The following DPYD variants were observed in gnomAD, a reference collection of about 807,000 sequenced individuals.
The protein encoded by DPYD is dihydropyrimidine dehydrogenase.
In DPYD, 109 loss-of-function variants were observed where a neutral mutation model predicts 116.2. The ratio of observed to expected loss-of-function variants is 0.94; its 90% CI spans 0.80 to 1.10. The LOEUF is 1.10. DPYD is among the 50% of genes least tolerant of loss of function. The probability of loss-of-function intolerance (pLI) is 0.00; values close to 1 mark genes in which losing one functional copy is unlikely to be tolerated. For missense variants in DPYD, 1,302 were observed against 1,254.5 expected, an observed-to-expected ratio of 1.04 and a Z score of -0.57; for synonymous variants, 440 against 432.0, an observed-to-expected ratio of 1.02 and a Z score of -0.23.
intron 14 of DPYD, among the ~76,000 whole-genome samples, chr1:97,418,667 A>C (rs72729906): frequency 0.14 from 20,732 of 152,188 alleles, 1,437 homozygotes; most frequent in South Asian, 0.21. Context: ...GAAAAAGTAA[A>C]AATTATCAAC....
chr1:97,428,700 A>G (rs749743858), intron 14 of DPYD, among the ~76,000 whole-genome samples: 1 of 152,096 alleles, frequency 6.6e-6, no homozygotes, highest in South Asian at 2.1e-4. Flanking sequence ...AAACTTCATA[A>G]CATCTCTTAC....
chr1:97,696,343 C>T (rs143902068), intron 6 of DPYD, among the ~76,000 whole-genome samples: 91 of 151,932 alleles, frequency 6.0e-4, no homozygotes, highest in African/African-American at 2.1e-3. Context: ...GAAGTTTATA[C>T]GGAGATGTCT....
intron 8 of DPYD, among the ~76,000 whole-genome samples, chr1:97,637,513 A>C (rs1657640515): frequency 6.6e-6 from 1 of 151,736 alleles, no homozygotes; most frequent in East Asian, 2.0e-4. Context: ...CCCCTCAACA[A>C]CACAAAATAC....
intron 15 of DPYD, 22 bp downstream of exon 15, chr1:97,382,371 T>C (rs1004287696): frequency 6.8e-7 from 1 of 1,473,844 alleles, no homozygotes; most frequent in African/African-American, 1.4e-5. Flanking sequence ...ATAAAATAAA[T>C]ATATACTAAA....
At chr1:97,089,552 G>T (rs921373629) in intron 21 of DPYD, among the ~76,000 whole-genome samples, 1 of 152,072 alleles carries the variant, frequency 6.6e-6, no homozygotes. Context: ...AGGAGGCCAG[G>T]TTTCTTTTTC....
intron 2 of DPYD, among the ~76,000 whole-genome samples, chr1:97,863,105 T>C (rs1373482748): frequency 6.6e-6 from 1 of 151,884 alleles, no homozygotes; most frequent in Non-Finnish European, 1.5e-5. Flanking sequence ...TAGTGAAATA[T>C]AATAATAATG....
chr1:97,413,595 C>G (rs539218955), intron 14 of DPYD, among the ~76,000 whole-genome samples: 14 of 152,198 alleles, frequency 9.2e-5, no homozygotes, highest in African/African-American at 2.6e-4. Context: ...TCCCAAGTAG[C>G]TGGGACTACG....
chr1:97,184,236 T>C (rs955534379), intron 20 of DPYD, among the ~76,000 whole-genome samples: 1 of 152,154 alleles, frequency 6.6e-6, no homozygotes, highest in Non-Finnish European at 1.5e-5. Flanking sequence ...TATGTGTTCA[T>C]GTGTCTTCAT....
intron 20 of DPYD, among the ~76,000 whole-genome samples, chr1:97,115,245 C>A (rs1181936775): frequency 6.6e-6 from 1 of 152,164 alleles, no homozygotes; most frequent in Non-Finnish European, 1.5e-5. Context: ...TTGGGGTCTT[C>A]CCTTGCTTTG....
chr1:97,850,114 C>A (rs1055348907), intron 2 of DPYD, among the ~76,000 whole-genome samples: 4 of 152,200 alleles, frequency 2.6e-5, no homozygotes, highest in Non-Finnish European at 5.9e-5. Flanking sequence ...ACAGCTCATT[C>A]TCCACAGCTA....
chr1:97,240,025 G>C (rs1376925903), intron 18 of DPYD, among the ~76,000 whole-genome samples: 1 of 151,994 alleles, frequency 6.6e-6, no homozygotes, highest in Non-Finnish European at 1.5e-5. Context: ...TGTGTGTTTA[G>C]TGATGCAATT....
intron 3 of DPYD, among the ~76,000 whole-genome samples, chr1:97,806,348 C>A (rs2101360597): frequency 6.6e-6 from 1 of 151,906 alleles, no homozygotes; most frequent in South Asian, 2.1e-4. Context: ...ATTCATCATA[C>A]AAGTGGGTAT....
intron 19 of DPYD, among the ~76,000 whole-genome samples, chr1:97,217,237 C>T (rs1184496104): frequency 3.3e-5 from 5 of 152,000 alleles, no homozygotes; most frequent in East Asian, 1.9e-4. Context: ...ACAAAAAACA[C>T]GTTAATTGAT....
chr1:97,426,999 G>A (rs1042692898), intron 14 of DPYD, among the ~76,000 whole-genome samples: 3 of 152,018 alleles, frequency 2.0e-5, no homozygotes, highest in African/African-American at 7.2e-5. Flanking sequence ...AAGATTCAGA[G>A]TTGGTAGAAG....
chr1:97,261,392 C>A (rs1663864013), intron 18 of DPYD, among the ~76,000 whole-genome samples: 1 of 151,556 alleles, frequency 6.6e-6, no homozygotes, highest in Non-Finnish European at 1.5e-5. Context: ...ATGTAGAGAT[C>A]CAACTGCACA....
At chr1:97,820,806 T>A (rs560093703) in intron 3 of DPYD, among the ~76,000 whole-genome samples, 2 of 152,252 alleles carry the variant, frequency 1.3e-5, no homozygotes, top group Admixed American at 6.5e-5. Context: ...AATGGCAATG[T>A]TGGCACTCCA....
At chr1:97,572,090 G>GA (rs958699511) in intron 11 of DPYD, among the ~76,000 whole-genome samples, 5 of 149,598 alleles carry the variant, frequency 3.3e-5, no homozygotes, top group Admixed American at 1.3e-4. Context: ...ACCAGAAGAG[G>GA]AAAAAAAAAT....
intron 14 of DPYD, among the ~76,000 whole-genome samples, chr1:97,421,398 C>T (rs1157963364): frequency 6.6e-6 from 1 of 152,016 alleles, no homozygotes; most frequent in African/African-American, 2.4e-5. Context: ...GGGCCTCACA[C>T]TAAGACTCGT....
At chr1:97,504,509 G>A (rs1339142492) in intron 13 of DPYD, among the ~76,000 whole-genome samples, 1 of 151,942 alleles carries the variant, frequency 6.6e-6, no homozygotes, top group East Asian at 1.9e-4. Context: ...TTACTCAATA[G>A]CTTCCTAGGA....
Sources: gnomAD v4.1 joint callset for allele counts (sites outside exome capture counted in the v4.1 genomes callset) on GRCh38, gnomAD v4.1.1 for gene constraint, MANE v1.5 for transcripts, NCBI Gene and HGNC (gene_info 2026-07-23, HGNC 2026-07-21) for gene names.